Variants in SGTB observed in about 807,000 individuals in gnomAD.
SGTB encodes small glutamine rich tetratricopeptide repeat co-chaperone beta, also known as small glutamine-rich tetratricopeptide repeat-containing protein beta.
Under a neutral mutation model 43.9 loss-of-function variants are expected in SGTB, and 19 were observed. The ratio of observed to expected loss-of-function variants is 0.43; its 90% confidence interval spans 0.30 to 0.63. The LOEUF (loss-of-function observed/expected upper bound fraction) is 0.63, where lower values mean the gene tolerates loss of function less well. SGTB is among the 30% of genes least tolerant of loss of function. SGTB has a pLI of 0.12. For synonymous variants in SGTB, 116 were observed against 117.3 expected, an observed-to-expected ratio of 0.99 and a Z score of 0.07; for missense variants, 304 against 358.9, an observed-to-expected ratio of 0.85 and a Z score of 1.24.
rs948335697 is a variant in SGTB, at chr5:65,688,238, C to T, written c.375-2766G>A. On this transcript the variant is annotated intron_variant, in intron 5 of 10. Coordinates refer to ENST00000381007, the MANE Select transcript of SGTB (RefSeq NM_019072.3). ...GAAGAAAAAAAATCTTGTCCAGAAA[C>T]GGAGCATGAGATATATACTAAGTCC... Among the ~76,000 whole-genome samples, 7 of 152,034 alleles carry T rather than the reference C, an allele frequency of 4.6e-5. 1 individual carries two copies. The highest frequency in any genetic ancestry group is 1.3e-4 in the Admixed American group (2 of 15,266).
chr5:65,711,311 A>T (rs1330306060), intron 3 of SGTB, among the ~76,000 whole-genome samples: 2 of 152,224 alleles, frequency 1.3e-5, no homozygotes, highest in Non-Finnish European at 2.9e-5. Flanking sequence ...AGAAAGAAAA[A>T]GCTTTATTCA....
rs1757042646 is a variant in SGTB, at chr5:65,666,518, T to C, written c.*3728A>G. 6.6e-6 allele frequency: 1 copy of C among 152,206 alleles called. No individual in the cohort carries two copies. Among genetic ancestry groups the C allele is most frequent in the South Asian group, 2.1e-4 (1 of 4,836 alleles). 9.4% of individuals were successfully genotyped at this position (152,206 alleles called of 1,614,324 possible). The stretch of plus-strand genomic sequence containing the variant: ...GATGCTTAAAGAGTTACTTTAATAA[T>C]GCCCTCTTATTTTTCTAGTTAGATA... On this transcript the variant is annotated 3_prime_UTR_variant, in exon 11 of 11. Transcript: ENST00000381007.
rs1757210574 is a variant in SGTB at position 65,673,847 on chromosome 5, G to A, written c.682-1566C>T. Among the ~76,000 whole-genome samples, 6 of 152,202 alleles carry A rather than the reference G, an allele frequency of 3.9e-5. No individual in the cohort carries two copies. In the South Asian group the frequency reaches 1.0e-3, roughly 26 times the overall value. ...ATTTTTGTATTTTTAGTAGAGACGG[G>A]GTTTCGCCAGGTTGGCCAGGCTGGT... On this transcript the variant is annotated intron_variant, in intron 8 of 10. Transcript: ENST00000381007.
intron 5 of SGTB, among the ~76,000 whole-genome samples, chr5:65,692,245 G>T (rs570884486): frequency 6.6e-6 from 1 of 152,130 alleles, no homozygotes; most frequent in African/African-American, 2.4e-5. Context: ...AACTATCAAC[G>T]TATGTGATAA....
At chr5:65,698,551 A>G (rs529067110) in intron 5 of SGTB, among the ~76,000 whole-genome samples, 1 of 152,332 alleles carries the variant, frequency 6.6e-6, no homozygotes, top group Non-Finnish European at 1.5e-5. Flanking sequence ...TAATTAAACT[A>G]AAAGCCTTCT....
intron 5 of SGTB, among the ~76,000 whole-genome samples, chr5:65,685,851 T>C (rs779509740): frequency 3.9e-5 from 6 of 152,110 alleles, no homozygotes; most frequent in Non-Finnish European, 5.9e-5. Context: ...ACACAGAGGG[T>C]TGTGCTATTA....
intron 3 of SGTB, among the ~76,000 whole-genome samples, chr5:65,710,837 A>G (rs891625087): frequency 1.3e-5 from 2 of 152,090 alleles, no homozygotes; most frequent in African/African-American, 4.8e-5. Context: ...TAAAAATACA[A>G]AAATTAGCCA....
chr5:65,678,132 A>G (rs1202862464), intron 8 of SGTB, among the ~76,000 whole-genome samples: 1 of 152,202 alleles, frequency 6.6e-6, no homozygotes, highest in Non-Finnish European at 1.5e-5. Context: ...TTAAGCTGAT[A>G]AGCAACTTCA....
upstream of SGTB, chr5:65,722,211 C>A (rs946535972): frequency 1.1e-5 from 4 of 362,090 alleles, 1 homozygote; most frequent in South Asian, 1.6e-4. Context: ...TGGTAGGCGC[C>A]GGCGTGGAGC....
chr5:65,692,010 G>A (rs1757623903), intron 5 of SGTB, among the ~76,000 whole-genome samples: 1 of 151,638 alleles, frequency 6.6e-6, no homozygotes, highest in East Asian at 1.9e-4. Flanking sequence ...GCCAAATGTG[G>A]GATAATTTAA....
intron 2 of SGTB, among the ~76,000 whole-genome samples, chr5:65,716,912 T>C (rs1758163173): frequency 6.6e-6 from 1 of 151,876 alleles, no homozygotes; most frequent in Non-Finnish European, 1.5e-5. Context: ...GATCAAGCAG[T>C]GGACCCTGGG....
chr5:65,676,092 C>G (rs1288673878), intron 8 of SGTB, among the ~76,000 whole-genome samples: 1 of 151,818 alleles, frequency 6.6e-6, no homozygotes, highest in African/African-American at 2.4e-5. Context: ...TTCAAGAGAC[C>G]CACTATACAT....
chr5:65,674,534 A>G (rs926787895), intron 8 of SGTB, among the ~76,000 whole-genome samples: 3 of 152,254 alleles, frequency 2.0e-5, no homozygotes, highest in African/African-American at 7.2e-5. Context: ...TTTCTCAGTG[A>G]GGGCTTGAGA....
At chr5:65,674,834 T>G (rs149690115) in intron 8 of SGTB, among the ~76,000 whole-genome samples, 2,064 of 150,796 alleles carry the variant, frequency 0.014, 48 homozygotes, top group African/African-American at 0.046. Flanking sequence ...AAAAAAAAAA[T>G]GAAGTCACAA....
intron 4 of SGTB, among the ~76,000 whole-genome samples, chr5:65,706,649 T>C (rs531372746): frequency 2.6e-5 from 4 of 152,128 alleles, no homozygotes; most frequent in Admixed American, 1.3e-4. Context: ...CTGGCCAACA[T>C]AGTGAAACTC....
At chr5:65,706,212 A>T (rs762100291) in intron 4 of SGTB, among the ~76,000 whole-genome samples, 5 of 152,214 alleles carry the variant, frequency 3.3e-5, no homozygotes, top group Non-Finnish European at 7.3e-5. Flanking sequence ...CAAAAAAGAA[A>T]TCAATAGAAA....
intron 6 of SGTB, 95 bp downstream of exon 6, chr5:65,685,273 G>T (rs532169523): frequency 4.0e-6 from 4 of 1,011,244 alleles, no homozygotes; most frequent in African/African-American, 3.2e-5. Context: ...TAGTTCAGAG[G>T]GTAAAACATT....
At chr5:65,716,675 T>A (rs1758158666) in intron 2 of SGTB, among the ~76,000 whole-genome samples, 2 of 151,920 alleles carry the variant, frequency 1.3e-5, no homozygotes, top group African/African-American at 4.8e-5. Flanking sequence ...CAGAACAGAT[T>A]TTGGGTGGGG....
At chr5:65,693,455 C>T (rs1757657855) in intron 5 of SGTB, among the ~76,000 whole-genome samples, 1 of 151,944 alleles carries the variant, frequency 6.6e-6, no homozygotes, top group Non-Finnish European at 1.5e-5. Context: ...AGGAAGTAAA[C>T]ATGGCAAAAT....
Sources: allele counts gnomAD v4.1 joint callset (sites outside exome capture counted in the v4.1 genomes callset), GRCh38; gene constraint gnomAD v4.1.1; transcripts MANE v1.5; gene names NCBI Gene and HGNC (gene_info 2026-07-23, HGNC 2026-07-21).